The following TAB2 variants were observed in gnomAD, a reference collection of about 807,000 sequenced individuals.
The protein encoded by TAB2 is TGF-beta activated kinase 1 (MAP3K7) binding protein 2.
A neutral mutation model predicts 65.0 loss-of-function variants in TAB2; 3 were observed. The ratio of observed to expected loss-of-function variants is 0.05; its 90% CI spans 0.02 to 0.12. The LOEUF (loss-of-function observed/expected upper bound fraction) is 0.12. TAB2 is among the 10% of genes least tolerant of loss of function. The pLI, the probability that TAB2 is intolerant of heterozygous loss-of-function variation, is 1.00. For synonymous variants in TAB2, 298 were observed against 285.1 expected, an observed-to-expected ratio of 1.05 and a Z score of -0.46; for missense variants, 623 against 840.3, an observed-to-expected ratio of 0.74 and a Z score of 3.20.
intron 1 of TAB2, among the ~76,000 whole-genome samples, chr6:149,346,151 G>A (rs948312624): frequency 6.6e-6 from 1 of 152,132 alleles, no homozygotes; most frequent in African/African-American, 2.4e-5. Flanking sequence ...TGGATAGATG[G>A]ATAGAAAGCT....
chr6:149,312,681 G>A (rs1197909962), intron 1 of TAB2, among the ~76,000 whole-genome samples: 2 of 152,082 alleles, frequency 1.3e-5, no homozygotes, highest in Non-Finnish European at 2.9e-5. Flanking sequence ...TTTTGAAACC[G>A]CTAAAATTCT....
chr6:149,272,298 T>C (rs1778378378), intron 1 of TAB2, among the ~76,000 whole-genome samples: 1 of 152,202 alleles, frequency 6.6e-6, no homozygotes, highest in Admixed American at 6.5e-5. Flanking sequence ...ACTTTGGTTC[T>C]AACAAATTAG....
intron 1 of TAB2, among the ~76,000 whole-genome samples, chr6:149,320,536 A>G (rs1363732548): frequency 2.0e-5 from 3 of 151,906 alleles, no homozygotes; most frequent in East Asian, 1.9e-4. Context: ...TTCCCAAAAT[A>G]CTGTTTAGAG....
chr6:149,389,912 A>C (rs1309924916), intron 3 of TAB2, among the ~76,000 whole-genome samples: 1 of 152,212 alleles, frequency 6.6e-6, no homozygotes, highest in Non-Finnish European at 1.5e-5. Flanking sequence ...TTCATCTCTT[A>C]GTAGGTTCTT....
chr6:149,271,366 A>G (rs1426059336), intron 1 of TAB2, among the ~76,000 whole-genome samples: 1 of 152,184 alleles, frequency 6.6e-6, no homozygotes, highest in Non-Finnish European at 1.5e-5. Context: ...AATCTTACCT[A>G]AGGGTAAGAA....
chr6:149,406,978 A>G (rs1479040531), intron 6 of TAB2, among the ~76,000 whole-genome samples: 1 of 152,174 alleles, frequency 6.6e-6, no homozygotes, highest in Non-Finnish European at 1.5e-5. Flanking sequence ...CGGCCTCCCA[A>G]AGTGCTGGGA....
intron 3 of TAB2, among the ~76,000 whole-genome samples, chr6:149,387,830 G>T (rs1453970276): frequency 1.3e-5 from 2 of 152,064 alleles, no homozygotes; most frequent in Non-Finnish European, 2.9e-5. Flanking sequence ...CTCTTTGAGA[G>T]AATTCCATGT....
intron 1 of TAB2, among the ~76,000 whole-genome samples, chr6:149,352,556 A>G (rs566837476): frequency 3.3e-5 from 5 of 151,800 alleles, no homozygotes; most frequent in Admixed American, 1.3e-4. Context: ...TTCCATCTCT[A>G]TTTTCCTTCC....
intron 1 of TAB2, among the ~76,000 whole-genome samples, chr6:149,267,393 G>T (rs1017219015): frequency 1.3e-5 from 2 of 152,194 alleles, no homozygotes; most frequent in Admixed American, 1.3e-4. Flanking sequence ...CCTTGCACCA[G>T]TGTCACGAAC....
intron 1 of TAB2, among the ~76,000 whole-genome samples, chr6:149,275,751 G>A (rs1172550485): frequency 2.0e-5 from 3 of 152,186 alleles, no homozygotes; most frequent in Admixed American, 6.5e-5. Context: ...GATGTGATGT[G>A]ATGAGACTCT....
intron 6 of TAB2, among the ~76,000 whole-genome samples, chr6:149,409,320 G>A (rs996881465): frequency 6.6e-6 from 1 of 152,118 alleles, no homozygotes; most frequent in Admixed American, 6.5e-5. Context: ...ACTATAAATT[G>A]TAGGTAATGA....
chr6:149,238,147 T>C (rs1031749251), intron 1 of TAB2, among the ~76,000 whole-genome samples: 2 of 152,132 alleles, frequency 1.3e-5, no homozygotes, highest in African/African-American at 2.4e-5. Flanking sequence ...TCCCATCACT[T>C]TGGAGTTCCC....
At chr6:149,373,859 A>G (rs1302078511) in intron 2 of TAB2, among the ~76,000 whole-genome samples, 1 of 152,208 alleles carries the variant, frequency 6.6e-6, no homozygotes, top group Non-Finnish European at 1.5e-5. Context: ...GCAAGTCTGG[A>G]GTAGATGTAC....
intron 1 of TAB2, among the ~76,000 whole-genome samples, chr6:149,331,608 G>A (rs1272977938): frequency 6.6e-6 from 1 of 152,114 alleles, no homozygotes; most frequent in African/African-American, 2.4e-5. Context: ...GCTTGTTTCT[G>A]ATCTTAGTGG....
intron 3 of TAB2, among the ~76,000 whole-genome samples, chr6:149,382,088 G>A (rs1025813606): frequency 4.6e-5 from 7 of 152,106 alleles, no homozygotes; most frequent in Non-Finnish European, 8.8e-5. Flanking sequence ...AAGCTATGAA[G>A]CCCTACAGGA....
rs577544258 is a variant in TAB2 at position 149,281,892 on chromosome 6, T to C, written c.-121+63116T>C. On this transcript the variant is annotated intron_variant, in intron 1 of 1. Transcript: ENST00000606202. ...TATAAAGACATAAAAAGATTAAAAG[T>C]AAAATGATGGGGAAAATATACTATG... Among the ~76,000 whole-genome samples, 238 of 152,094 alleles carry C rather than the reference T, an allele frequency of 1.6e-3. 1 individual carries two copies. The highest frequency in any genetic ancestry group is 5.6e-3 in the African/African-American group (231 of 41,502).
intron 1 of TAB2, among the ~76,000 whole-genome samples, chr6:149,279,946 G>A (rs964972229): frequency 1.3e-5 from 2 of 152,136 alleles, no homozygotes; most frequent in Non-Finnish European, 2.9e-5. Flanking sequence ...TTGACCTCAT[G>A]CCTGCCTTTC....
intron 1 of TAB2, among the ~76,000 whole-genome samples, chr6:149,284,031 T>G (rs1167466183): frequency 6.6e-6 from 1 of 152,158 alleles, no homozygotes; most frequent in East Asian, 1.9e-4. Context: ...TACACTCCTT[T>G]GCCAGAGCAT....
intron 1 of TAB2, among the ~76,000 whole-genome samples, chr6:149,341,682 T>C (rs574773292): frequency 9.7e-4 from 147 of 152,296 alleles, no homozygotes; most frequent in Non-Finnish European, 9.1e-4. Context: ...GATGGAAAAT[T>C]TACATTTTTC....
Sources: allele counts gnomAD v4.1 joint callset (sites outside exome capture counted in the v4.1 genomes callset), GRCh38; gene constraint gnomAD v4.1.1; transcripts MANE v1.5; gene names NCBI Gene and HGNC (gene_info 2026-07-23, HGNC 2026-07-21).